The following PVT1 variants were observed in gnomAD, a reference collection of about 807,000 sequenced individuals.
PVT1 encodes the protein Pvt1 oncogene, also known as CXCR4/PVT1 fusion.
At chr8:127,895,649 A>G (rs1387336657) in intron 3 of PVT1, among the ~76,000 whole-genome samples, 1 of 152,200 alleles carries the variant, frequency 6.6e-6, no homozygotes, top group African/African-American at 2.4e-5. Flanking sequence ...GTCAAAGCAT[A>G]TAGGCATAAA....
At chr8:128,028,067 G>A (rs1001659014) in intron 4 of PVT1, among the ~76,000 whole-genome samples, 7 of 152,138 alleles carry the variant, frequency 4.6e-5, no homozygotes, top group Admixed American at 6.5e-5. Flanking sequence ...ACGGGCTCCC[G>A]CCAAACCAGC....
chr8:127,809,029 C>CAAAAAA (rs1158760672), intron 2 of PVT1, among the ~76,000 whole-genome samples: 132 of 28,134 alleles, frequency 4.7e-3, no homozygotes, highest in East Asian at 7.5e-3. Flanking sequence ...GATTCCATCT[C>CAAAAAA]AAAAAAAAAA....
chr8:127,885,643 C>T (rs527551237), intron 2 of PVT1, among the ~76,000 whole-genome samples: 2 of 152,212 alleles, frequency 1.3e-5, no homozygotes, highest in African/African-American at 4.8e-5. Flanking sequence ...AAGAGTTCAA[C>T]GTATGAATTT....
At chr8:127,933,806 C>T (rs1041242365) in intron 3 of PVT1, among the ~76,000 whole-genome samples, 2 of 152,194 alleles carry the variant, frequency 1.3e-5, no homozygotes, top group Non-Finnish European at 2.9e-5. Flanking sequence ...GGGATGTTGC[C>T]TCCATAGCTT....
intron 2 of PVT1, among the ~76,000 whole-genome samples, chr8:127,868,794 C>CATAT (rs1491471613): frequency 2.2e-4 from 2 of 8,972 alleles, no homozygotes; most frequent in Admixed American, 1.1e-3. Flanking sequence ...TATATATATA[C>CATAT]ATATATATGT....
chr8:127,836,579 C>G (rs1441586564), intron 2 of PVT1, among the ~76,000 whole-genome samples: 2 of 152,116 alleles, frequency 1.3e-5, no homozygotes, highest in South Asian at 2.1e-4. Flanking sequence ...TTGGAGCTGG[C>G]CAGAACTGGG....
intron 3 of PVT1, among the ~76,000 whole-genome samples, chr8:127,895,599 C>T (rs570256023): frequency 1.1e-4 from 17 of 152,014 alleles, no homozygotes; most frequent in Non-Finnish European, 1.9e-4. Context: ...TCAGGGAATA[C>T]TAGTTTTTTT....
intron 3 of PVT1, among the ~76,000 whole-genome samples, chr8:127,978,512 G>A (rs942981562): frequency 1.3e-5 from 2 of 151,396 alleles, no homozygotes; most frequent in Non-Finnish European, 2.9e-5. Flanking sequence ...ACGGAGTCTC[G>A]CTCTGTTGCC....
chr8:127,935,403 T>TA (rs1387474309), intron 3 of PVT1, among the ~76,000 whole-genome samples: 1 of 152,128 alleles, frequency 6.6e-6, no homozygotes, highest in African/African-American at 2.4e-5. Flanking sequence ...GTGAACCCAC[T>TA]ATCTATTTAG....
chr8:127,915,629 A>AT (rs1386165973), intron 3 of PVT1, among the ~76,000 whole-genome samples: 1 of 151,496 alleles, frequency 6.6e-6, no homozygotes, highest in African/African-American at 2.4e-5. Flanking sequence ...AAAAAAAAAA[A>AT]AAAAAAGAGG....
chr8:128,041,045 G>A (rs985316077), intron 4 of PVT1, among the ~76,000 whole-genome samples: 2 of 150,972 alleles, frequency 1.3e-5, no homozygotes, highest in South Asian at 4.2e-4. Context: ...TTGAGTGCCT[G>A]TGTGTTTGTG....
chr8:127,988,587 A>G (rs946189234), intron 3 of PVT1, among the ~76,000 whole-genome samples: 2 of 152,224 alleles, frequency 1.3e-5, no homozygotes, highest in African/African-American at 4.8e-5. Flanking sequence ...TAGTGAGGCT[A>G]CATTTTTTTG....
At chr8:127,861,805 C>A (rs1055629860) in intron 2 of PVT1, among the ~76,000 whole-genome samples, 38 of 152,248 alleles carry the variant, frequency 2.5e-4, no homozygotes, top group African/African-American at 8.4e-4. Context: ...AGGTACTGGG[C>A]GCATGTTGCC....
intron 4 of PVT1, among the ~76,000 whole-genome samples, chr8:128,002,861 ACTTC>A (rs1817196268): frequency 6.6e-6 from 1 of 151,642 alleles, no homozygotes; most frequent in Admixed American, 6.6e-5. Flanking sequence ...AAATGTTACA[ACTTC>A]CTTTCTCTTC....
intron 2 of PVT1, among the ~76,000 whole-genome samples, chr8:127,853,066 T>C (rs1431811597): frequency 6.6e-6 from 1 of 152,168 alleles, no homozygotes; most frequent in Non-Finnish European, 1.5e-5. Context: ...GCATCTCCCA[T>C]GGACAAGATC....
Position 127,809,029 on chromosome 8 carries a change from C to CAAAA in PVT1, n.372+12981_372+12984dup, listed in dbSNP as rs1158760672. On this transcript the variant is annotated intron_variant and non_coding_transcript_variant, in intron 2 of 10. Coordinates refer to ENST00000651587, the Ensembl canonical transcript of PVT1. ...TGGGCAACAAAGTGAGATTCCATCTCAAAAAAAAAAAAAAAAAAAAAAAAA... is the reference window on the plus strand; with the variant it reads ...TGGGCAACAAAGTGAGATTCCATCTCAAAAAAAAAAAAAAAAAAAAAAAAAAAAA... 5.0e-3 allele frequency among the ~76,000 whole-genome samples: 140 copies of CAAAA among 28,148 alleles called. 1 individual carries two copies. Among genetic ancestry groups the CAAAA allele is most frequent in the Non-Finnish European group, 6.4e-3 (99 of 15,542 alleles). 18.5% of individuals were successfully genotyped at this position (28,148 alleles called of 152,430 possible).
chr8:127,900,073 G>A (rs1815739520), intron 3 of PVT1, among the ~76,000 whole-genome samples: 1 of 151,468 alleles, frequency 6.6e-6, no homozygotes, highest in South Asian at 2.1e-4. Flanking sequence ...ATGCAGTCTC[G>A]CTCTGTTGCC....
chr8:127,988,792 C>G (rs1325474244), intron 3 of PVT1, among the ~76,000 whole-genome samples: 2 of 152,164 alleles, frequency 1.3e-5, no homozygotes, highest in South Asian at 2.1e-4. Flanking sequence ...TCTTATTCCT[C>G]TCTACCTAGT....
intron 2 of PVT1, among the ~76,000 whole-genome samples, chr8:127,808,314 C>T (rs1814551228): frequency 6.6e-6 from 1 of 152,162 alleles, no homozygotes; most frequent in African/African-American, 2.4e-5. Flanking sequence ...TCCCAAAGTG[C>T]TGGGATTACA....
Sources: allele counts gnomAD v4.1 joint callset (sites outside exome capture counted in the v4.1 genomes callset), GRCh38; gene constraint gnomAD v4.1.1; transcripts MANE v1.5; gene names NCBI Gene and HGNC (gene_info 2026-07-23, HGNC 2026-07-21).